The following GAS7 variants were observed in gnomAD, a reference collection of about 807,000 sequenced individuals.
The protein encoded by GAS7 is growth arrest specific 7.
Under a neutral mutation model 71.1 loss-of-function variants are expected in GAS7, and 28 were observed. The observed-to-expected ratio is 0.39, with a 90% CI of 0.29 to 0.54. The LOEUF (loss-of-function observed/expected upper bound fraction) is 0.54. GAS7 is among the 20% of genes least tolerant of loss of function. GAS7 has a pLI of 0.62. For missense variants in GAS7, 436 were observed against 627.8 expected, an observed-to-expected ratio of 0.69 and a Z score of 3.27; for synonymous variants, 258 against 245.8, an observed-to-expected ratio of 1.05 and a Z score of -0.46.
intron 9 of GAS7, among the ~76,000 whole-genome samples, chr17:9,933,270 A>T (rs567533847): frequency 5.3e-4 from 81 of 152,240 alleles, no homozygotes; most frequent in African/African-American, 1.9e-3. Context: ...CCACAAATTT[A>T]AAAAAAATTC....
rs1023309277 is a variant in GAS7 at position 9,969,713 on chromosome 17, G to A, written c.435C>T (p.Ala145=). 1.9e-6 allele frequency: 3 copies of A among 1,612,530 alleles called. No individual in the cohort carries two copies. Among genetic ancestry groups the A allele is most frequent in the Non-Finnish European group, 2.5e-6 (3 of 1,178,558 alleles). The change falls in exon 4 of 14, where the codon GCC becomes GCT. Residue 145 remains alanine, a synonymous_variant. Transcript: ENST00000432992. The surrounding 1 kb of genome is among the most constrained non-coding windows in gnomAD (Gnocchi z 5.5). ...CGGTGGATTTTCGGACACTCATGTG[G>A]GCAGTCTCTGGAGGGTGCGCTGGGG... The part of the protein sequence containing the change: ...SGTPAHPPET[A]HMSVRKSTGD...
chr17:10,020,273 C>G (rs2072215816), intron 1 of GAS7: 1 of 209,076 alleles, frequency 4.8e-6, no homozygotes, highest in South Asian at 1.3e-4. Context: ...GCCTGAAATT[C>G]CCAGACCACG....
chr17:9,987,466 G>T (rs1473763748), intron 2 of GAS7, among the ~76,000 whole-genome samples: 1 of 152,238 alleles, frequency 6.6e-6, no homozygotes, highest in African/African-American at 2.4e-5. Context: ...CTCAGCGAAT[G>T]CCAGTGTCTA....
chr17:10,063,593 A>G (rs1374574279), intron 1 of GAS7, among the ~76,000 whole-genome samples: 1 of 152,170 alleles, frequency 6.6e-6, no homozygotes, highest in Non-Finnish European at 1.5e-5. Flanking sequence ...CAGAGTGCAT[A>G]CACTTAAACA....
chr17:10,187,985 T>C (rs1239753345), intron 1 of GAS7, among the ~76,000 whole-genome samples: 1 of 152,164 alleles, frequency 6.6e-6, no homozygotes, highest in Non-Finnish European at 1.5e-5. Context: ...TTAAATTCAG[T>C]TTCATCCCAG....
At chr17:9,962,281 TATC>T (rs1238382105) in intron 4 of GAS7, among the ~76,000 whole-genome samples, 1 of 144,324 alleles carries the variant, frequency 6.9e-6, no homozygotes, top group Admixed American at 6.8e-5. Flanking sequence ...ACACACACAC[TATC>T]ATAATTCTCC....
rs143846946 is a variant in GAS7 at position 9,974,362 on chromosome 17, T to C, written c.386-4600A>G. 1.9e-3 allele frequency among the ~76,000 whole-genome samples: 295 copies of C among 152,208 alleles called. No individual in the cohort carries two copies. Among genetic ancestry groups the C allele is most frequent in the African/African-American group, 6.8e-3 (282 of 41,526 alleles). On this transcript the variant is annotated intron_variant, in intron 3 of 13. Coordinates refer to ENST00000432992, the MANE Select transcript of GAS7 (RefSeq NM_201433.2). The surrounding 1 kb of genome is among the most constrained non-coding windows in gnomAD (Gnocchi z 4.0). ...CACGGCATTCCTCATTGCTATTCCC[T>C]GTCCTGGGGGCTCCCGGCTCACCCA...
chr17:10,146,936 G>A (rs970298313), intron 1 of GAS7, among the ~76,000 whole-genome samples: 6 of 140,624 alleles, frequency 4.3e-5, no homozygotes, highest in Non-Finnish European at 7.8e-5. Flanking sequence ...AGCTGAGATC[G>A]CGCCAGAGCG....
At chr17:10,063,030 C>A (rs1464190323) in intron 1 of GAS7, among the ~76,000 whole-genome samples, 6 of 152,254 alleles carry the variant, frequency 3.9e-5, no homozygotes, top group Non-Finnish European at 7.3e-5. Flanking sequence ...CCCCTCCCCA[C>A]AGCAAAGGCA....
At position 9,933,099 on chromosome 17, in the gene GAS7, G is replaced by C. The variant is rs529418114; in HGVS notation, c.885+1067C>G. On this transcript the variant is annotated intron_variant, in intron 9 of 13. Transcript: ENST00000432992. ...AGGCAGGAGAATCACTTGAACCCGG[G>C]AGGCGGAGCTTGCAGTGAGCTGAGA... Among the ~76,000 whole-genome samples, 6 of 152,284 alleles carry C rather than the reference G, an allele frequency of 3.9e-5. No homozygotes were observed. In the East Asian group the frequency reaches 1.2e-3, roughly 29 times the overall value.
At chr17:10,030,943 TG>T (rs2072602688) in intron 1 of GAS7, among the ~76,000 whole-genome samples, 1 of 151,728 alleles carries the variant, frequency 6.6e-6, no homozygotes, top group African/African-American at 2.4e-5. Flanking sequence ...CGCCATGGAG[TG>T]TCCGGCATAC....
chr17:9,941,832 G>A (rs1434878508), intron 7 of GAS7, among the ~76,000 whole-genome samples: 1 of 152,090 alleles, frequency 6.6e-6, no homozygotes, highest in African/African-American at 2.4e-5. Flanking sequence ...TTGAAAATAG[G>A]CCCTCTGTCT....
intron 11 of GAS7, among the ~76,000 whole-genome samples, chr17:9,922,972 G>C (rs919142673): frequency 6.6e-6 from 1 of 152,070 alleles, no homozygotes; most frequent in Non-Finnish European, 1.5e-5. Flanking sequence ...GCAGTGCTGC[G>C]ATCTCAGCTC....
intron 3 of GAS7, among the ~76,000 whole-genome samples, chr17:9,980,565 T>C (rs529694744): frequency 6.6e-6 from 1 of 152,352 alleles, no homozygotes; most frequent in East Asian, 1.9e-4. Flanking sequence ...ACTTTGACTT[T>C]CATGCTTTGC....
chr17:9,944,618 G>A (rs997284204), intron 6 of GAS7, among the ~76,000 whole-genome samples: 4 of 152,142 alleles, frequency 2.6e-5, no homozygotes, highest in East Asian at 1.9e-4. Flanking sequence ...CAGTTCCCCC[G>A]GTGTGGGACC....
chr17:9,934,883 G>A (rs910644561), intron 8 of GAS7, among the ~76,000 whole-genome samples: 3 of 152,156 alleles, frequency 2.0e-5, no homozygotes, highest in Admixed American at 1.3e-4. Context: ...TTACAGGCGT[G>A]TGCCACCACA....
chr17:9,979,986 G>C (rs1284515490), intron 3 of GAS7, among the ~76,000 whole-genome samples: 2 of 152,074 alleles, frequency 1.3e-5, no homozygotes, highest in Non-Finnish European at 2.9e-5. Context: ...TGAGATGGCA[G>C]CACTCACTGT....
intron 1 of GAS7, among the ~76,000 whole-genome samples, chr17:10,065,394 C>T (rs1362805857): frequency 4.6e-5 from 7 of 152,176 alleles, no homozygotes; most frequent in Admixed American, 1.3e-4. Context: ...ATTAGTATCA[C>T]TGAGCTGAAA....
Position 10,197,725 on chromosome 17 carries a change from G to T in GAS7, c.183+483C>A, listed in dbSNP as rs1234970182. Among the ~76,000 whole-genome samples the T allele has an allele frequency of 3.3e-5, 5 of 152,156 alleles. No individual in the cohort carries two copies. The East Asian group carries it at 5.8e-4, about 18-fold the overall frequency. ...CCAGCAAGTGGGTGGTCCCGAGGCG[G>T]CCAGGCAGCCTGACCCAAGGCAGCA... is the stretch of plus-strand genomic sequence containing the variant. On this transcript the variant is annotated intron_variant, in intron 1 of 13. Transcript: ENST00000432992.
Sources: gnomAD v4.1 joint callset for allele counts (sites outside exome capture counted in the v4.1 genomes callset) on GRCh38, gnomAD v4.1.1 for gene constraint, Gnocchi (gnomAD v3.1) non-coding constraint, MANE v1.5 for transcripts, NCBI Gene and HGNC (gene_info 2026-07-23, HGNC 2026-07-21) for gene names.